SNX4: variants seen among roughly 807,000 people sequenced by gnomAD.
SNX4 encodes the protein sorting nexin-4.
Under a neutral mutation model 70.8 loss-of-function variants are expected in SNX4, and 49 were observed. The observed-to-expected ratio is 0.69, with a 90% CI of 0.55 to 0.88. SNX4 has a LOEUF of 0.88. Among genes scored for constraint, SNX4 ranks in the 40% least tolerant of loss-of-function variants. The pLI is 0.00. For missense variants in SNX4, 528 were observed against 544.8 expected, an observed-to-expected ratio of 0.97 and a Z score of 0.31; for synonymous variants, 206 against 183.8, an observed-to-expected ratio of 1.12 and a Z score of -0.98.
chr3:125,520,167 C>T lies in SNX4; in HGVS notation c.6G>A (p.Glu2=), dbSNP rs534905712. ...GCCGCTCGGGGTCCGGAGGTGCCTG[C>T]TCCATGGCTGCAGTTCGGCGCGGCG... M[E]QAPPDPERQL... Residue 2 remains glutamate (E), a synonymous_variant, in exon 1 of 14, where the codon GAG becomes GAA. Transcript: ENST00000251775. 3.0e-4 allele frequency: 417 copies of T among 1,392,206 alleles called. No homozygotes were observed. Among genetic ancestry groups the T allele is most frequent in the Non-Finnish European group, 3.7e-4 (403 of 1,077,548 alleles). The allele number at this position is 1,392,206 out of a possible 1,614,324, so 86.2% of individuals were successfully genotyped here. A position where few individuals can be genotyped will look rare whatever the true frequency, so the allele number is the denominator to read the frequency against.
In SNX4 at chr3:125,463,106, A is replaced by G. The variant is rs534373815; in HGVS notation, c.855-2246T>C. 2.0e-5 allele frequency among the ~76,000 whole-genome samples: 3 copies of G among 152,344 alleles called. No individual in the cohort carries two copies. The East Asian group carries it at 5.8e-4, about 29-fold the overall frequency. On this transcript the variant is annotated intron_variant, in intron 9 of 13. Coordinates refer to ENST00000251775, the MANE Select transcript of SNX4 (RefSeq NM_003794.4). ...CACTTTATGTCTCTAGACCTGCCTC[A>G]TCAAGTTTATTGAAGTTGTAAGACA...
chr3:125,513,824 T>G (rs1935219127), intron 1 of SNX4, among the ~76,000 whole-genome samples: 1 of 115,876 alleles, frequency 8.6e-6, no homozygotes, highest in Non-Finnish European at 1.8e-5. Flanking sequence ...GATGCTTACT[T>G]CAAGCAGTAA....
intron 6 of SNX4, among the ~76,000 whole-genome samples, 159 bp from the exon 7 acceptor site, chr3:125,480,478 TA>T (rs1934385529): frequency 6.6e-6 from 1 of 152,148 alleles, no homozygotes; most frequent in Admixed American, 6.5e-5. Context: ...CAAAAAACTC[TA>T]AAATAAAATG....
intron 5 of SNX4, among the ~76,000 whole-genome samples, chr3:125,494,538 T>C (rs1241993136): frequency 2.0e-5 from 3 of 152,336 alleles, no homozygotes; most frequent in Admixed American, 1.3e-4. Flanking sequence ...TAAGAAACTG[T>C]TTTAGATTCT....
intron 6 of SNX4, among the ~76,000 whole-genome samples, chr3:125,482,026 G>A (rs1420480833): frequency 4.6e-5 from 7 of 151,962 alleles, no homozygotes; most frequent in Non-Finnish European, 1.0e-4. Flanking sequence ...GCATCACCAT[G>A]CCCAGCTGAC....
intron 8 of SNX4, among the ~76,000 whole-genome samples, chr3:125,475,099 T>C (rs762708413): frequency 4.6e-5 from 7 of 152,218 alleles, no homozygotes; most frequent in Admixed American, 1.3e-4. Flanking sequence ...ATGAAGAGTT[T>C]ACATTTTTAT....
chr3:125,483,589 A>G (rs903482059), intron 6 of SNX4, among the ~76,000 whole-genome samples: 3 of 152,240 alleles, frequency 2.0e-5, no homozygotes, highest in South Asian at 2.1e-4. Context: ...AAGGCACACT[A>G]AAGTTTCTCT....
chr3:125,464,094 C>A (rs903898226), intron 9 of SNX4, among the ~76,000 whole-genome samples: 1 of 151,938 alleles, frequency 6.6e-6, no homozygotes, highest in Admixed American at 6.6e-5. Flanking sequence ...ATAAAATTTA[C>A]CTTGTTAATA....
Position 125,520,028 on chromosome 3 carries a change from T to C in SNX4, c.141+4A>G. On this transcript the variant is annotated splice_donor_region_variant and intron_variant, in intron 1 of 13. Transcript: ENST00000251775. ...ATGAGGGCTCTGCCGCCCCTTCTCCTCACCGTGTCGACCCCAGAGCTCTCT... is the reference window on the plus strand; with the variant it reads ...ATGAGGGCTCTGCCGCCCCTTCTCCCCACCGTGTCGACCCCAGAGCTCTCT... The C allele has an allele frequency of 1.3e-6, 2 of 1,487,190 alleles. No homozygotes were observed. Among genetic ancestry groups the C allele is most frequent in the Non-Finnish European group, 1.8e-6 (2 of 1,108,784 alleles). The allele number at this position is 1,487,190 out of a possible 1,614,324, so 92.1% of individuals were successfully genotyped here. A position where few individuals can be genotyped will look rare whatever the true frequency, so the allele number is the denominator to read the frequency against.
intron 6 of SNX4, among the ~76,000 whole-genome samples, chr3:125,486,506 G>A (rs571612887): frequency 6.6e-6 from 1 of 152,036 alleles, no homozygotes; most frequent in Non-Finnish European, 1.5e-5. Context: ...GGTGCCTATA[G>A]TCCCAGCTAC....
chr3:125,501,359 G>T (rs966846869), intron 2 of SNX4, among the ~76,000 whole-genome samples: 2 of 152,192 alleles, frequency 1.3e-5, no homozygotes, highest in Non-Finnish European at 2.9e-5. Flanking sequence ...GCTCACACCT[G>T]TAATTCCAGC....
chr3:125,476,780 T>C (rs1934298447), intron 7 of SNX4, 24 bp from the exon 8 acceptor site: 2 of 1,471,980 alleles, frequency 1.4e-6, no homozygotes, highest in Non-Finnish European at 1.9e-6. Context: ...TTAATAGAAA[T>C]TGCTTTTAGG....
chr3:125,492,107 CAAAAAAAAAAAAAA>C (rs60558490), intron 5 of SNX4, among the ~76,000 whole-genome samples: 1 of 47,398 alleles, frequency 2.1e-5, no homozygotes, highest in African/African-American at 7.2e-5. Flanking sequence ...GACTCCATCT[CAAAAAAAAAAAAAA>C]AAAAAAAAAA....
intron 9 of SNX4, among the ~76,000 whole-genome samples, chr3:125,464,105 A>T (rs1372497366): frequency 1.3e-5 from 2 of 152,160 alleles, no homozygotes; most frequent in African/African-American, 2.4e-5. Context: ...CTTGTTAATA[A>T]TTTTTAAGTA....
chr3:125,485,593 C>T lies in SNX4; in HGVS notation c.653+3815G>A, dbSNP rs114863023. Among the ~76,000 whole-genome samples, 1,218 of 152,196 alleles carry T rather than the reference C, an allele frequency of 8.0e-3. 19 individuals carry two copies. Among genetic ancestry groups the T allele is most frequent in the African/African-American group, 0.027 (1,124 of 41,532 alleles). ...GATTAGAGACATGAGCCACCGTGCC[C>T]GGCCTTATTTGGAGTTCATATTTGC... is the stretch of plus-strand genomic sequence containing the variant. On this transcript the variant is annotated intron_variant, in intron 6 of 13. Coordinates refer to ENST00000251775, the MANE Select transcript of SNX4 (RefSeq NM_003794.4).
At chr3:125,484,102 T>C (rs975688549) in intron 6 of SNX4, among the ~76,000 whole-genome samples, 2 of 152,292 alleles carry the variant, frequency 1.3e-5, no homozygotes, top group Non-Finnish European at 2.9e-5. Flanking sequence ...CTTAGAGACA[T>C]GCAAAAGTGA....
intron 1 of SNX4, among the ~76,000 whole-genome samples, chr3:125,515,418 T>A (rs1261881881): frequency 6.6e-6 from 1 of 151,338 alleles, no homozygotes; most frequent in East Asian, 1.9e-4. Context: ...TCCCAGCAAT[T>A]TGGGGGGCTG....
In SNX4 at chr3:125,493,505, T is replaced by C. The variant is rs1161465461; in HGVS notation, c.597+3836A>G. ...TATCTCTACTAAAAATACAGAAAAA[T>C]TACCCGGGCATGGTGGTGGGCGCCT... On this transcript the variant is annotated intron_variant, in intron 5 of 13. Coordinates refer to ENST00000251775, the MANE Select transcript of SNX4 (RefSeq NM_003794.4). Among the ~76,000 whole-genome samples, 3 of 145,038 alleles carry C rather than the reference T, an allele frequency of 2.1e-5. No homozygotes were observed. In the East Asian group the frequency reaches 6.3e-4, roughly 30 times the overall value.
intron 1 of SNX4, among the ~76,000 whole-genome samples, chr3:125,515,543 T>C (rs1935256930): frequency 1.3e-5 from 2 of 149,494 alleles, no homozygotes; most frequent in African/African-American, 4.9e-5. Context: ...TGTATGCCTG[T>C]AGTTCCAGCT....
Sources: allele counts gnomAD v4.1 joint callset (sites outside exome capture counted in the v4.1 genomes callset), GRCh38; gene constraint gnomAD v4.1.1; transcripts MANE v1.5; gene names NCBI Gene and HGNC (gene_info 2026-07-23, HGNC 2026-07-21).